MAML3: variants seen among roughly 807,000 people sequenced by gnomAD.
The protein encoded by MAML3 is mastermind like transcriptional coactivator 3, also known as mastermind-like protein 3.
In MAML3, 27 loss-of-function variants were observed where a neutral mutation model predicts 101.9. The ratio of observed to expected loss-of-function variants is 0.27; its 90% CI spans 0.20 to 0.37. The LOEUF is 0.37. MAML3 is among the 10% of genes least tolerant of loss of function. The pLI is 1.00. For synonymous variants in MAML3, 501 were observed against 555.9 expected, an observed-to-expected ratio of 0.90 and a Z score of 1.39; for missense variants, 1,316 against 1,444.9, an observed-to-expected ratio of 0.91 and a Z score of 1.45.
intron 1 of MAML3, among the ~76,000 whole-genome samples, chr4:139,953,737 G>A (rs1421513396): frequency 6.6e-6 from 1 of 152,216 alleles, no homozygotes; most frequent in Non-Finnish European, 1.5e-5. Context: ...GGTACAAAGT[G>A]TTGACATTTA....
At chr4:139,972,737 C>A (rs1364637998) in intron 1 of MAML3, among the ~76,000 whole-genome samples, 1 of 152,090 alleles carries the variant, frequency 6.6e-6, no homozygotes, top group Non-Finnish European at 1.5e-5. Flanking sequence ...GTAAATTATA[C>A]CTCAATTAAA....
chr4:139,884,755 C>T (rs536079152), intron 2 of MAML3, among the ~76,000 whole-genome samples: 25 of 152,298 alleles, frequency 1.6e-4, no homozygotes, highest in East Asian at 1.2e-3. Context: ...ATCTCAAAAG[C>T]GGCTCTGTGT....
At chr4:140,134,788 C>T (rs1344895925) in intron 1 of MAML3, among the ~76,000 whole-genome samples, 1 of 152,194 alleles carries the variant, frequency 6.6e-6, no homozygotes, top group African/African-American at 2.4e-5. Context: ...ACATTTGGTG[C>T]TCTTCGATCA....
At chr4:139,846,449 G>A (rs565299989) in intron 2 of MAML3, among the ~76,000 whole-genome samples, 6 of 152,266 alleles carry the variant, frequency 3.9e-5, no homozygotes, top group Admixed American at 3.9e-4. Flanking sequence ...CTGGACTCAG[G>A]TGATCCTCCT....
At chr4:139,887,750 C>A (rs966447722) in intron 2 of MAML3, among the ~76,000 whole-genome samples, 3 of 152,196 alleles carry the variant, frequency 2.0e-5, no homozygotes, top group African/African-American at 7.2e-5. Flanking sequence ...TGTAGAAGCA[C>A]AATTTGTATT....
chr4:139,830,408 CTATTTTTTTTTTT>C (rs1437750672), intron 2 of MAML3, among the ~76,000 whole-genome samples: 2 of 143,532 alleles, frequency 1.4e-5, no homozygotes, highest in African/African-American at 5.6e-5. Context: ...GCACGCTGTG[CTATTTTTTTTTTT>C]TTTTTTTTTT....
rs560294486 is a variant in MAML3 at position 139,788,670 on chromosome 4, A to C, written c.2080-58003T>G. The stretch of plus-strand genomic sequence containing the variant: ...TGCAGATAGGGATGGCCAAGAAACT[A>C]AGTTTTGGTCTATGAGATACAGTGA... On this transcript the variant is annotated intron_variant, in intron 2 of 4. Transcript: ENST00000509479. 7.9e-5 allele frequency among the ~76,000 whole-genome samples: 12 copies of C among 152,354 alleles called. 1 individual carries two copies. The highest frequency in any genetic ancestry group is 1.6e-4 in the Non-Finnish European group (11 of 68,038).
At chr4:139,952,848 C>A (rs1193828084) in intron 1 of MAML3, among the ~76,000 whole-genome samples, 1 of 152,226 alleles carries the variant, frequency 6.6e-6, no homozygotes, top group South Asian at 2.1e-4. Context: ...CCTAGGCTAT[C>A]TCTTTTCTCA....
intron 2 of MAML3, among the ~76,000 whole-genome samples, chr4:139,872,907 G>A (rs981462745): frequency 2.0e-5 from 3 of 151,792 alleles, no homozygotes; most frequent in African/African-American, 7.3e-5. Flanking sequence ...GCAACACCCC[G>A]TCTATACTAA....
chr4:140,055,465 T>C (rs544254040), intron 1 of MAML3, among the ~76,000 whole-genome samples: 1 of 152,372 alleles, frequency 6.6e-6, no homozygotes, highest in South Asian at 2.1e-4. Context: ...CTTTTCACTA[T>C]ATTACTGGGT....
intron 1 of MAML3, among the ~76,000 whole-genome samples, chr4:139,962,363 A>G (rs1036166824): frequency 6.6e-6 from 1 of 152,178 alleles, no homozygotes; most frequent in African/African-American, 2.4e-5. Context: ...GTGCCTGCTG[A>G]TATGTTCAAA....
At chr4:139,886,239 T>G (rs1010562624) in intron 2 of MAML3, among the ~76,000 whole-genome samples, 3 of 152,004 alleles carry the variant, frequency 2.0e-5, no homozygotes, top group African/African-American at 7.2e-5. Context: ...ATAATGATAT[T>G]GTCTCAATCC....
intron 2 of MAML3, among the ~76,000 whole-genome samples, chr4:139,833,046 A>T (rs1731196390): frequency 6.6e-6 from 1 of 152,264 alleles, no homozygotes; most frequent in Non-Finnish European, 1.5e-5. Context: ...ATCTCATAAG[A>T]GGGGTATCAC....
chr4:139,772,341 T>C (rs551236452), intron 2 of MAML3, among the ~76,000 whole-genome samples: 1 of 151,202 alleles, frequency 6.6e-6, no homozygotes, highest in Non-Finnish European at 1.5e-5. Flanking sequence ...AGTTGTCTTT[T>C]TGTTTGTTAG....
At chr4:139,739,375 G>A (rs1349587930) in intron 2 of MAML3, among the ~76,000 whole-genome samples, 1 of 152,186 alleles carries the variant, frequency 6.6e-6, no homozygotes, top group Non-Finnish European at 1.5e-5. Context: ...TCAGTGCTTT[G>A]AACATAGTTA....
chr4:139,944,618 C>A (rs1259597801), intron 1 of MAML3, among the ~76,000 whole-genome samples: 2 of 151,262 alleles, frequency 1.3e-5, no homozygotes, highest in African/African-American at 4.9e-5. Flanking sequence ...AACAAACAAC[C>A]CCATCAAAAA....
chr4:139,768,869 T>G (rs1030957474), intron 2 of MAML3, among the ~76,000 whole-genome samples: 6 of 152,124 alleles, frequency 3.9e-5, no homozygotes, highest in African/African-American at 1.4e-4. Flanking sequence ...TAATTATATA[T>G]TTTCCCCCCT....
chr4:140,054,631 C>G (rs1355313421), intron 1 of MAML3, among the ~76,000 whole-genome samples: 3 of 152,192 alleles, frequency 2.0e-5, no homozygotes, highest in Non-Finnish European at 2.9e-5. Flanking sequence ...CTAACGTTCT[C>G]CTGCAAGGCT....
At chr4:140,072,411 C>T (rs1727675243) in intron 1 of MAML3, among the ~76,000 whole-genome samples, 1 of 152,150 alleles carries the variant, frequency 6.6e-6, no homozygotes, top group African/African-American at 2.4e-5. Context: ...TGGCTCATGC[C>T]TGTAATCCCA....
Sources: gnomAD v4.1 joint callset for allele counts (sites outside exome capture counted in the v4.1 genomes callset) on GRCh38, gnomAD v4.1.1 for gene constraint, MANE v1.5 for transcripts, NCBI Gene and HGNC (gene_info 2026-07-23, HGNC 2026-07-21) for gene names.